Variants in TAPBPL observed in about 807,000 individuals in gnomAD.
TAPBPL encodes tapasin-related protein.
Under a neutral mutation model 44.8 loss-of-function variants are expected in TAPBPL, and 32 were observed. The ratio of observed to expected loss-of-function variants is 0.71; its 90% CI spans 0.54 to 0.96. The LOEUF is 0.96. Ranked by LOEUF, TAPBPL falls within the 40% of genes least tolerant of loss-of-function variation. The pLI is 0.00. For synonymous variants in TAPBPL, 230 were observed against 240.7 expected (o/e 0.96, Z 0.41); for missense variants, 520 against 586.6 (o/e 0.89, Z 1.17).
chr12:6,452,483 T>G, intron 1 of TAPBPL, 171 bp downstream of exon 1: 1 of 1,437,864 alleles, frequency 7.0e-7, no homozygotes, highest in Non-Finnish European at 9.1e-7. Context: ...CAATAGTGTG[T>G]GTGGAGGGAG....
upstream of TAPBPL, chr12:6,451,922 T>C: frequency 2.4e-6 from 1 of 410,692 alleles, no homozygotes; most frequent in Non-Finnish European, 4.5e-6. Context: ...TAGCTCCACT[T>C]TTTTGGGACA....
chr12:6,463,751 G>C (rs1949937288), downstream of TAPBPL: 5 of 1,157,526 alleles, frequency 4.3e-6, no homozygotes, highest in Non-Finnish European at 5.4e-6. The surrounding 1 kb of genome is among the most constrained non-coding windows in gnomAD (Gnocchi z 4.0). Flanking sequence ...GCTCCTTCCA[G>C]CTAGAAGCAC....
At chr12:6,459,374 G>A (rs1302953988) in intron 5 of TAPBPL, among the ~76,000 whole-genome samples, 1 of 152,216 alleles carries the variant, frequency 6.6e-6, no homozygotes, top group Non-Finnish European at 1.5e-5. Flanking sequence ...AGAGAATTTG[G>A]AGAATTGCAA....
chr12:6,465,341 A>T, downstream of TAPBPL: 1 of 288,158 alleles, frequency 3.5e-6, no homozygotes, highest in South Asian at 2.5e-5. Context: ...AAGCTGATTT[A>T]AAAGAAAAAG....
downstream of TAPBPL, chr12:6,470,677 T>G (rs993769491): frequency 2.9e-6 from 3 of 1,029,036 alleles, no homozygotes; most frequent in Non-Finnish European, 4.4e-6. Context: ...TGGAACTTAC[T>G]GCAGCTGCCG....
rs1281951517 is a variant in TAPBPL, at chr12:6,453,317, G to A, written c.295+20G>A. On this transcript the variant is annotated intron_variant, in intron 2 of 6. Transcript: ENST00000266556. This position sits in a 1 kb window ranked among gnomAD's most constrained non-coding sequence, Gnocchi z 4.8. ...CCTCAGGTAAAAGCCTTCCACCTGT[G>A]TCCTTGGTCCTCCCGGGCTCCCTCC... The A allele has an allele frequency of 4.3e-6, 7 of 1,612,634 alleles. No individual in the cohort carries two copies. Among genetic ancestry groups the A allele is most frequent in the Non-Finnish European group, 4.2e-6 (5 of 1,179,358 alleles).
At chr12:6,460,511 C>T (rs1949826446) in intron 5 of TAPBPL, among the ~76,000 whole-genome samples, 1 of 152,184 alleles carries the variant, frequency 6.6e-6, no homozygotes. Context: ...AGGTGATCCA[C>T]CTACCTCAGC....
chr12:6,463,489 G>A (rs997459159), downstream of TAPBPL: 3 of 1,038,624 alleles, frequency 2.9e-6, no homozygotes, highest in Non-Finnish European at 3.5e-6. This position sits in a 1 kb window ranked among gnomAD's most constrained non-coding sequence, Gnocchi z 4.0. Context: ...ACACCCTCAC[G>A]CTCCTTCATC....
chr12:6,456,808 A>G (rs951477530), intron 3 of TAPBPL, among the ~76,000 whole-genome samples: 1 of 151,652 alleles, frequency 6.6e-6, no homozygotes, highest in African/African-American at 2.4e-5. Flanking sequence ...ACCTGCCACC[A>G]TGCCCGGCTA....
Position 6,453,516 on chromosome 12 carries a change from G to C in TAPBPL, c.365G>C (p.Cys122Ser), listed in dbSNP as rs1425890024. 2 of 1,614,182 alleles carry C rather than the reference G, an allele frequency of 1.2e-6. No homozygotes were observed. The highest frequency in any genetic ancestry group is 2.2e-5 in the East Asian group (1 of 44,876). ...HADCSGKEVT[C>S]EISRYFLQMT... ...GACTGCAGTGGGAAGGAGGTGACCT[G>C]TGAGATCTCCCGCTACTTTCTCCAG... The change falls in exon 3 of 7, where the codon TGT becomes TCT. Residue 122 changes from cysteine (C) to serine (S), a missense_variant. Physicochemically the swap from Cys to Ser is moderately radical, Grantham distance 112 (BLOSUM62 -1). Coordinates refer to ENST00000266556, the MANE Select transcript of TAPBPL (RefSeq NM_018009.5). This position sits in a 1 kb window ranked among gnomAD's most constrained non-coding sequence, Gnocchi z 4.8.
At chr12:6,468,999 A>G (rs1333913078), downstream of TAPBPL, among the ~76,000 whole-genome samples, 1 of 152,240 alleles carries the variant, frequency 6.6e-6, no homozygotes, top group African/African-American at 2.4e-5. Context: ...TAATTACAAT[A>G]GAACTAATAC....
At chr12:6,452,571 G>A (rs1949582265) in intron 1 of TAPBPL, 1 of 1,372,800 alleles carries the variant, frequency 7.3e-7, no homozygotes, top group South Asian at 1.6e-5. Flanking sequence ...CCTACAGAGA[G>A]GGCACTGGCC....
At position 6,453,482 on chromosome 12, in the gene TAPBPL, C is replaced by T. The variant is rs1287932814; in HGVS notation, c.331C>T (p.Leu111Phe). The T allele has an allele frequency of 1.2e-6, 2 of 1,614,088 alleles. No homozygotes were observed. Among genetic ancestry groups the T allele is most frequent in the Non-Finnish European group, 1.7e-6 (2 of 1,180,034 alleles). The change falls in exon 3 of 7, where the codon CTC (leucine) becomes TTC (phenylalanine). Residue 111 changes from leucine (L) to phenylalanine (F), a missense_variant. Leu to Phe is a conservative substitution (Grantham distance 22, BLOSUM62 0). Transcript: ENST00000266556. This position sits in a 1 kb window ranked among gnomAD's most constrained non-coding sequence, Gnocchi z 4.8. ...CCAGATTCCCCAGGCCGAGGCCTTG[C>T]TCCATGCTGACTGCAGTGGGAAGGA... is the stretch of plus-strand genomic sequence containing the variant. ...LVQIPQAEAL[L>F]HADCSGKEVT...
At chr12:6,451,961 G>C (rs1949556331), upstream of TAPBPL, 2 of 503,624 alleles carry the variant, frequency 4.0e-6, no homozygotes, top group Admixed American at 6.7e-5. Flanking sequence ...GCAGAGGTCA[G>C]GTCTTGAAAT....
downstream of TAPBPL, chr12:6,465,928 G>T: frequency 6.2e-7 from 1 of 1,614,228 alleles, no homozygotes; most frequent in Non-Finnish European, 8.5e-7. Flanking sequence ...GCATCAGCTC[G>T]GTCATCCAGC....
chr12:6,465,373 A>ATGTATATAT (rs1565525991), downstream of TAPBPL: 2 of 104,214 alleles, frequency 1.9e-5, no homozygotes, highest in Non-Finnish European at 3.8e-5. Flanking sequence ...TATATATATA[A>ATGTATATAT]ATGTATATAT....
intron 5 of TAPBPL, 141 bp from the exon 6 acceptor site, chr12:6,460,714 G>A: frequency 1.4e-6 from 1 of 696,214 alleles, no homozygotes; most frequent in Non-Finnish European, 2.5e-6. Flanking sequence ...ATGCTGCTGA[G>A]TGCCTTGTTC....
rs200281189 is a variant in TAPBPL, at chr12:6,458,814, C to T, written c.1074C>T (p.Ser358=). The change falls in exon 5 of 7, where the codon AGC becomes AGT. Residue 358 remains serine (S), a synonymous_variant. Transcript: ENST00000266556. ...CCTCCTTCTCCAGCCTCAGGCAAAG[C>T]GTGGCAGGCACCTACAGCATCTCCT... ...SGASFSSLRQ[S]VAGTYSISSS... is the part of the protein sequence containing the mutation. 1.9e-5 allele frequency: 30 copies of T among 1,614,152 alleles called. No homozygotes were observed. In the African/African-American group the frequency reaches 2.0e-4, roughly 11 times the overall value.
chr12:6,470,405 G>A (rs1468763507), downstream of TAPBPL: 5 of 1,433,162 alleles, frequency 3.5e-6, no homozygotes, highest in Non-Finnish European at 4.8e-6. Context: ...CGGAAGCGGC[G>A]CGCGGTGGTA....
Sources: gnomAD v4.1 joint callset for allele counts (sites outside exome capture counted in the v4.1 genomes callset) on GRCh38, gnomAD v4.1.1 for gene constraint, Gnocchi (gnomAD v3.1) non-coding constraint, MANE v1.5 for transcripts, NCBI Gene and HGNC (gene_info 2026-07-23, HGNC 2026-07-21) for gene names.